The following EXOC6B variants were observed in gnomAD, a reference collection of about 807,000 sequenced individuals.
EXOC6B encodes the protein exocyst complex component 6B.
A neutral mutation model predicts 113.5 loss-of-function variants in EXOC6B; 54 were observed. The ratio of observed to expected loss-of-function variants is 0.48; its 90% CI spans 0.38 to 0.60. EXOC6B has a LOEUF of 0.60. Ranked by LOEUF, EXOC6B falls within the 20% of genes least tolerant of loss-of-function variation. EXOC6B has a pLI of 0.00. For synonymous variants in EXOC6B, 357 were observed against 339.0 expected, an observed-to-expected ratio of 1.05 and a Z score of -0.58; for missense variants, 797 against 977.5, an observed-to-expected ratio of 0.82 and a Z score of 2.46.
chr2:72,187,758 G>A (rs370236086), intron 20 of EXOC6B, among the ~76,000 whole-genome samples: 93 of 152,290 alleles, frequency 6.1e-4, no homozygotes, highest in African/African-American at 2.1e-3. Context: ...TCTGGTCCGT[G>A]GGACTGGCAG....
chr2:72,771,718 T>C (rs1164720876), intron 1 of EXOC6B, among the ~76,000 whole-genome samples: 3 of 152,152 alleles, frequency 2.0e-5, no homozygotes, highest in African/African-American at 7.2e-5. Flanking sequence ...CTCACATCTG[T>C]AATCTCAACA....
intron 6 of EXOC6B, among the ~76,000 whole-genome samples, chr2:72,597,914 C>G (rs1178800408): frequency 3.3e-5 from 5 of 151,842 alleles, no homozygotes; most frequent in Non-Finnish European, 1.5e-5. Context: ...GGGTATGCAC[C>G]TAACAACAGA....
At chr2:72,808,458 C>T (rs1285970592) in intron 1 of EXOC6B, among the ~76,000 whole-genome samples, 2 of 152,004 alleles carry the variant, frequency 1.3e-5, no homozygotes, top group African/African-American at 4.8e-5. Flanking sequence ...CTAAAAAGTA[C>T]ACTCAAAAAC....
chr2:72,361,842 C>T (rs1207371979), intron 19 of EXOC6B, among the ~76,000 whole-genome samples: 1 of 152,122 alleles, frequency 6.6e-6, no homozygotes, highest in Non-Finnish European at 1.5e-5. Context: ...TCAAACTTTT[C>T]AGGAACTATT....
At chr2:72,575,003 C>T (rs927378935) in intron 7 of EXOC6B, among the ~76,000 whole-genome samples, 6 of 152,182 alleles carry the variant, frequency 3.9e-5, no homozygotes, top group African/African-American at 1.4e-4. Context: ...CCTGTAATCA[C>T]TCATATATTT....
chr2:72,488,546 G>T (rs986755813), intron 16 of EXOC6B, among the ~76,000 whole-genome samples: 2 of 152,056 alleles, frequency 1.3e-5, no homozygotes, highest in Admixed American at 1.3e-4. Context: ...TTCTCTCACA[G>T]CAAATTTAGC....
chr2:72,502,267 G>T lies in EXOC6B; in HGVS notation c.1168-2295C>A, dbSNP rs75692327. On this transcript the variant is annotated intron_variant, in intron 11 of 21. Coordinates refer to ENST00000272427, the MANE Select transcript of EXOC6B (RefSeq NM_015189.3). ...TCTAGAAGATAGGATGGGTAAAGAG[G>T]CTGGGCGTGGTGGCTCACGCCTGTA... 5.6e-3 allele frequency among the ~76,000 whole-genome samples: 846 copies of T among 152,156 alleles called. 7 individuals are homozygous for T. Among genetic ancestry groups the T allele is most frequent in the African/African-American group, 0.02 (818 of 41,522 alleles).
At chr2:72,540,093 A>G (rs1702516178) in intron 8 of EXOC6B, among the ~76,000 whole-genome samples, 2 of 151,192 alleles carry the variant, frequency 1.3e-5, no homozygotes, top group African/African-American at 4.9e-5. Flanking sequence ...ATGATTTCCA[A>G]TTTCATCCAT....
At chr2:72,388,374 A>G (rs1692179460) in intron 18 of EXOC6B, among the ~76,000 whole-genome samples, 1 of 152,184 alleles carries the variant, frequency 6.6e-6, no homozygotes, top group South Asian at 2.1e-4. Flanking sequence ...TATCTGTTAT[A>G]GATTTCTAAT....
At chr2:72,723,038 T>G (rs572109770) in intron 5 of EXOC6B, among the ~76,000 whole-genome samples, 1 of 152,282 alleles carries the variant, frequency 6.6e-6, no homozygotes, top group South Asian at 2.1e-4. Context: ...ATCAGTAATA[T>G]TCAAATGTCT....
At chr2:72,687,908 T>C (rs1432335337) in intron 6 of EXOC6B, among the ~76,000 whole-genome samples, 1 of 152,128 alleles carries the variant, frequency 6.6e-6, no homozygotes, top group Non-Finnish European at 1.5e-5. Flanking sequence ...CATGCTGATA[T>C]CCCCAATCTT....
chr2:72,590,272 T>C (rs1705853220), intron 6 of EXOC6B, among the ~76,000 whole-genome samples: 1 of 151,924 alleles, frequency 6.6e-6, no homozygotes. Context: ...AAGCTACTGG[T>C]AACAAAGCAA....
At chr2:72,521,357 A>G (rs185377884) in intron 8 of EXOC6B, among the ~76,000 whole-genome samples, 162 of 152,248 alleles carry the variant, frequency 1.1e-3, no homozygotes, top group Non-Finnish European at 2.0e-3. Context: ...TAAATTACCC[A>G]ATCTGTGGTA....
intron 20 of EXOC6B, among the ~76,000 whole-genome samples, chr2:72,222,344 T>G (rs986888544): frequency 1.3e-5 from 2 of 152,166 alleles, no homozygotes; most frequent in African/African-American, 4.8e-5. Flanking sequence ...AAGGTGGGCC[T>G]TAAAGTATGG....
At chr2:72,682,482 C>A (rs1676780446) in intron 6 of EXOC6B, among the ~76,000 whole-genome samples, 1 of 151,882 alleles carries the variant, frequency 6.6e-6, no homozygotes, top group Admixed American at 6.6e-5. Flanking sequence ...AATTCCCATC[C>A]CTTCTGTAAG....
At chr2:72,385,332 C>T (rs1400432277) in intron 18 of EXOC6B, among the ~76,000 whole-genome samples, 1 of 151,930 alleles carries the variant, frequency 6.6e-6, no homozygotes, top group Non-Finnish European at 1.5e-5. Context: ...AGTCCCTCAT[C>T]TCACATTGTA....
Position 72,825,829 on chromosome 2 carries a change from T to C in EXOC6B, c.82A>G (p.Thr28Ala). 7 of 1,613,466 alleles carry C rather than the reference T, an allele frequency of 4.3e-6. No individual in the cohort carries two copies. Among genetic ancestry groups the C allele is most frequent in the Non-Finnish European group, 5.9e-6 (7 of 1,179,710 alleles). Residue 28 changes from threonine (T) to alanine (A), a missense_variant, in exon 1 of 22, where the codon ACT becomes GCT. Coordinates refer to ENST00000272427, the MANE Select transcript of EXOC6B (RefSeq NM_015189.3). The surrounding 1 kb of genome is among the most constrained non-coding windows in gnomAD (Gnocchi z 4.4). The stretch of plus-strand genomic sequence containing the variant: ...GTGGGCCCGATGCAGGCCGTGTCAG[T>C]GCTCTCGATCTCTCGCAGGATCCGC... ...HERILREIESTDTACIGPTLR... is the reference protein window; with the variant it reads ...HERILREIESADTACIGPTLR...
At chr2:72,794,930 G>A (rs755665195) in intron 1 of EXOC6B, among the ~76,000 whole-genome samples, 4 of 152,174 alleles carry the variant, frequency 2.6e-5, no homozygotes, top group Non-Finnish European at 4.4e-5. Context: ...TTCAAAGCAA[G>A]TACAAAGGTA....
chr2:72,728,268 A>T (rs1025775938), intron 5 of EXOC6B, among the ~76,000 whole-genome samples: 1 of 152,198 alleles, frequency 6.6e-6, no homozygotes, highest in Non-Finnish European at 1.5e-5. Flanking sequence ...GTGGCAGAAA[A>T]TGCAGAATCT....
Sources: allele counts gnomAD v4.1 joint callset (sites outside exome capture counted in the v4.1 genomes callset), GRCh38; gene constraint gnomAD v4.1.1; non-coding constraint Gnocchi (gnomAD v3.1); transcripts MANE v1.5; gene names NCBI Gene and HGNC (gene_info 2026-07-23, HGNC 2026-07-21).